The following CDH8 variants were observed in gnomAD, a reference collection of about 807,000 sequenced individuals.
The protein encoded by CDH8 is cadherin 8.
A neutral mutation model predicts 68.1 loss-of-function variants in CDH8; 17 were observed. The observed-to-expected ratio is 0.25, with a 90% CI of 0.17 to 0.37. The LOEUF is 0.37. CDH8 is among the 10% of genes least tolerant of loss of function. The pLI, the probability that CDH8 is intolerant of heterozygous loss-of-function variation, is 1.00. For missense variants in CDH8, 763 were observed against 999.3 expected (o/e 0.76, Z 3.19); for synonymous variants, 372 against 365.1 (o/e 1.02, Z -0.21).
intron 2 of CDH8, among the ~76,000 whole-genome samples, chr16:61,966,153 T>C (rs992234109): frequency 6.6e-6 from 1 of 152,240 alleles, no homozygotes; most frequent in Non-Finnish European, 1.5e-5. Context: ...AATGTCTTAG[T>C]CTACATATTT....
In CDH8 at chr16:61,924,762, A is replaced by G. The variant is rs146689323; in HGVS notation, c.253-23289T>C. ...TTAGTTACTGCAATTCTAAAATTCA[A>G]CCTTCTATTTTTGGCCTCTCCTCCT... On this transcript the variant is annotated intron_variant, in intron 2 of 11. Transcript: ENST00000577390. 5.2e-3 allele frequency among the ~76,000 whole-genome samples: 790 copies of G among 152,198 alleles called. 5 individuals carry two copies. Among genetic ancestry groups the G allele is most frequent in the African/African-American group, 0.018 (762 of 41,546 alleles).
intron 2 of CDH8, among the ~76,000 whole-genome samples, chr16:61,996,335 G>A (rs1597115765): frequency 1.3e-5 from 2 of 152,232 alleles, no homozygotes; most frequent in African/African-American, 4.8e-5. Flanking sequence ...TGCACATGGG[G>A]ACAAATTCTG....
In CDH8 at chr16:61,649,394, T is replaced by A. The variant is rs1963271991; in HGVS notation, c.*4214A>T. On this transcript the variant is annotated 3_prime_UTR_variant, in exon 12 of 12. Coordinates refer to ENST00000577390, the MANE Select transcript of CDH8 (RefSeq NM_001796.5). ...AAAACTATAAATTATCCCCAGTAACTGAATTGTGTATATATGTGCATATTT... is the reference window on the plus strand; with the variant it reads ...AAAACTATAAATTATCCCCAGTAACAGAATTGTGTATATATGTGCATATTT... 6.6e-6 allele frequency: 1 copy of A among 151,492 alleles called. No homozygotes were observed. The highest frequency in any genetic ancestry group is 6.6e-5 in the Admixed American group (1 of 15,146). The allele number at this position is 151,492 out of a possible 1,614,324, so 9.4% of individuals were successfully genotyped here.
intron 2 of CDH8, among the ~76,000 whole-genome samples, chr16:61,910,902 C>T (rs773646489): frequency 3.9e-5 from 6 of 152,124 alleles, no homozygotes; most frequent in Non-Finnish European, 5.9e-5. Flanking sequence ...CTGAGCTTAA[C>T]GTCTTACATT....
intron 7 of CDH8, among the ~76,000 whole-genome samples, chr16:61,792,742 T>C (rs1961408083): frequency 1.3e-5 from 2 of 152,076 alleles, no homozygotes; most frequent in South Asian, 2.1e-4. Flanking sequence ...ATGCATAAAA[T>C]GGGGATAGTA....
chr16:62,025,203 A>C (rs937753352), intron 1 of CDH8, among the ~76,000 whole-genome samples: 2 of 152,194 alleles, frequency 1.3e-5, no homozygotes, highest in Non-Finnish European at 2.9e-5. Flanking sequence ...ACCACCAATT[A>C]ATCTAGGATC....
chr16:61,929,789 C>T (rs1375819053), intron 2 of CDH8, among the ~76,000 whole-genome samples: 1 of 152,082 alleles, frequency 6.6e-6, no homozygotes, highest in Non-Finnish European at 1.5e-5. Flanking sequence ...ACTTGGGTAG[C>T]TGAGGCAGGA....
At chr16:61,952,671 G>T (rs559362734) in intron 2 of CDH8, among the ~76,000 whole-genome samples, 1 of 152,158 alleles carries the variant, frequency 6.6e-6, no homozygotes, top group African/African-American at 2.4e-5. Flanking sequence ...TGCATGATCT[G>T]CAGAAGGTTG....
intron 10 of CDH8, among the ~76,000 whole-genome samples, chr16:61,685,388 T>C (rs1964087833): frequency 1.3e-5 from 2 of 151,788 alleles, no homozygotes; most frequent in Admixed American, 1.3e-4. Context: ...TTGAGGCATA[T>C]GAATGAATCA....
chr16:61,688,705 T>C (rs74023221), intron 10 of CDH8, among the ~76,000 whole-genome samples: 9,360 of 151,962 alleles, frequency 0.062, 1,004 homozygotes, highest in African/African-American at 0.21. Context: ...GCAAGGGATG[T>C]CGTCTACTGA....
chr16:61,970,916 T>C (rs746697346), intron 2 of CDH8, among the ~76,000 whole-genome samples: 1 of 152,196 alleles, frequency 6.6e-6, no homozygotes, highest in Non-Finnish European at 1.5e-5. Context: ...ATTCCACCAT[T>C]GTGATTTGTT....
At chr16:61,858,227 A>T (rs1234175338) in intron 3 of CDH8, among the ~76,000 whole-genome samples, 1 of 152,192 alleles carries the variant, frequency 6.6e-6, no homozygotes, top group Non-Finnish European at 1.5e-5. Context: ...CACTTAGTCC[A>T]GCACAGACAG....
intron 2 of CDH8, among the ~76,000 whole-genome samples, chr16:61,905,423 T>C (rs1402592643): frequency 6.6e-6 from 1 of 151,924 alleles, no homozygotes; most frequent in Non-Finnish European, 1.5e-5. Context: ...CATAGTAATA[T>C]ATTGTTAATA....
chr16:61,795,662 A>G (rs943613524), intron 7 of CDH8, among the ~76,000 whole-genome samples: 1 of 152,142 alleles, frequency 6.6e-6, no homozygotes, highest in African/African-American at 2.4e-5. Context: ...TCCAAAAACG[A>G]AAAGAAATAA....
intron 10 of CDH8, among the ~76,000 whole-genome samples, chr16:61,704,107 A>G (rs1431625387): frequency 1.3e-5 from 2 of 152,190 alleles, no homozygotes; most frequent in African/African-American, 4.8e-5. Flanking sequence ...TTTTTTGGAC[A>G]ATCCCTATTT....
At chr16:61,885,408 A>G (rs1166721024) in intron 3 of CDH8, among the ~76,000 whole-genome samples, 1 of 152,200 alleles carries the variant, frequency 6.6e-6, no homozygotes, top group Non-Finnish European at 1.5e-5. Context: ...AAGAATTACT[A>G]TCTATGTTCA....
At chr16:61,963,804 T>C (rs1965199300) in intron 2 of CDH8, among the ~76,000 whole-genome samples, 1 of 152,208 alleles carries the variant, frequency 6.6e-6, no homozygotes, top group African/African-American at 2.4e-5. Flanking sequence ...TTTCATTACT[T>C]GAGAATCTTC....
At chr16:61,938,805 G>T (rs1391510534) in intron 2 of CDH8, among the ~76,000 whole-genome samples, 1 of 152,152 alleles carries the variant, frequency 6.6e-6, no homozygotes, top group African/African-American at 2.4e-5. Flanking sequence ...TGACTTCAGT[G>T]TGTACACACT....
chr16:61,740,703 T>C (rs1017310882), intron 8 of CDH8, among the ~76,000 whole-genome samples: 37 of 152,178 alleles, frequency 2.4e-4, no homozygotes, highest in Admixed American at 1.2e-3. Context: ...TTTTCATTCA[T>C]ATAGTTGCAG....
Sources: gnomAD v4.1 joint callset for allele counts (sites outside exome capture counted in the v4.1 genomes callset) on GRCh38, gnomAD v4.1.1 for gene constraint, MANE v1.5 for transcripts, NCBI Gene and HGNC (gene_info 2026-07-23, HGNC 2026-07-21) for gene names.